Variants in NRXN3 observed in about 807,000 individuals in gnomAD.
The protein encoded by NRXN3 is neurexin III.
Under a neutral mutation model 137.6 loss-of-function variants are expected in NRXN3, and 32 were observed. The observed-to-expected ratio is 0.23, with a 90% CI of 0.18 to 0.31. NRXN3 has a LOEUF of 0.31. Among genes scored for constraint, NRXN3 ranks in the 10% least tolerant of loss-of-function variants. NRXN3 has a pLI of 1.00. For missense variants in NRXN3, 1,574 were observed against 2,062.5 expected, an observed-to-expected ratio of 0.76 and a Z score of 4.59; for synonymous variants, 798 against 784.5, an observed-to-expected ratio of 1.02 and a Z score of -0.29.
At chr14:79,470,873 T>A (rs8020365) in intron 16 of NRXN3, among the ~76,000 whole-genome samples, 37,290 of 148,768 alleles carry the variant, frequency 0.25, 5,313 homozygotes, top group African/African-American at 0.38. Context: ...TGTGTGTGTG[T>A]GAGAGAGAGA....
intron 15 of NRXN3, among the ~76,000 whole-genome samples, chr14:79,131,887 G>GT (rs1189734531): frequency 6.9e-6 from 1 of 144,862 alleles, no homozygotes; most frequent in African/African-American, 2.6e-5. Flanking sequence ...CTGGTGTGCC[G>GT]TTTTTTAAGC....
At chr14:79,383,163 G>A (rs899817930) in intron 15 of NRXN3, among the ~76,000 whole-genome samples, 2 of 152,104 alleles carry the variant, frequency 1.3e-5, no homozygotes, top group Admixed American at 6.6e-5. Context: ...TTGAATTTCA[G>A]TGGACTAGGC....
chr14:79,585,362 C>A (rs901067213), intron 16 of NRXN3, among the ~76,000 whole-genome samples: 2 of 152,026 alleles, frequency 1.3e-5, no homozygotes, highest in Non-Finnish European at 2.9e-5. Flanking sequence ...AGAGGCATAG[C>A]CTGAGAAGAT....
chr14:79,464,500 T>C (rs1314040489), intron 15 of NRXN3, among the ~76,000 whole-genome samples: 2 of 152,176 alleles, frequency 1.3e-5, no homozygotes, highest in Non-Finnish European at 2.9e-5. Context: ...TCCTTTGTAT[T>C]GGAGCACTGA....
intron 19 of NRXN3, among the ~76,000 whole-genome samples, chr14:79,773,309 C>G (rs1398377384): frequency 6.6e-6 from 1 of 152,096 alleles, no homozygotes; most frequent in African/African-American, 2.4e-5. Flanking sequence ...AATCATGCTG[C>G]TATAAAGACA....
chr14:79,618,137 C>T (rs1399042615), intron 16 of NRXN3, among the ~76,000 whole-genome samples: 2 of 151,846 alleles, frequency 1.3e-5, no homozygotes, highest in Non-Finnish European at 2.9e-5. Context: ...TTCCTGTTTA[C>T]CAGAAATATT....
chr14:78,605,814 A>G (rs1391707058), intron 4 of NRXN3, among the ~76,000 whole-genome samples: 1 of 152,208 alleles, frequency 6.6e-6, no homozygotes, highest in African/African-American at 2.4e-5. Flanking sequence ...TTGGTGTACA[A>G]AGCTGCTACA....
At chr14:78,963,933 TA>T (rs1282415935) in intron 11 of NRXN3, among the ~76,000 whole-genome samples, 3 of 148,754 alleles carry the variant, frequency 2.0e-5, no homozygotes, top group Admixed American at 6.6e-5. Flanking sequence ...GCCTGGCTAA[TA>T]TTTTTTTTTT....
chr14:79,861,970 C>A lies in NRXN3; in HGVS notation c.*6C>A, dbSNP rs2141967113. 4 of 1,602,600 alleles carry A rather than the reference C, an allele frequency of 2.5e-6. No individual in the cohort carries two copies. Among genetic ancestry groups the A allele is most frequent in the Admixed American group, 1.7e-5 (1 of 59,184 alleles). On this transcript the variant is annotated 3_prime_UTR_variant, in exon 21 of 21. Coordinates refer to ENST00000335750, the MANE Select transcript of NRXN3 (RefSeq NM_001330195.2). The surrounding 1 kb of genome is among the most constrained non-coding windows in gnomAD (Gnocchi z 5.4). ...ACAGGGAGTATTACGTGTAAACATG[C>A]GAACACTGCTCACACGCGAGTTTTC...
chr14:78,923,793 G>C (rs575337613), intron 10 of NRXN3, among the ~76,000 whole-genome samples: 1 of 152,226 alleles, frequency 6.6e-6, no homozygotes, highest in Non-Finnish European at 1.5e-5. Context: ...GCCTTGGGAA[G>C]AAGGTACTGT....
chr14:78,683,761 A>G (rs1011223322), intron 6 of NRXN3, among the ~76,000 whole-genome samples: 7 of 152,208 alleles, frequency 4.6e-5, no homozygotes, highest in Non-Finnish European at 1.5e-5. Flanking sequence ...TGGAGTGACA[A>G]ACTTTTGTCA....
chr14:79,379,145 T>G (rs756788799), intron 15 of NRXN3, among the ~76,000 whole-genome samples: 1 of 152,116 alleles, frequency 6.6e-6, no homozygotes, highest in East Asian at 1.9e-4. Context: ...AATTTTTTTG[T>G]TTTTTGTTTT....
intron 20 of NRXN3, among the ~76,000 whole-genome samples, chr14:79,848,937 A>C (rs902865831): frequency 2.6e-5 from 4 of 152,298 alleles, no homozygotes; most frequent in African/African-American, 9.6e-5. Flanking sequence ...CTAAAACAGA[A>C]CTTTGGATTC....
chr14:79,612,583 T>A (rs554885087), intron 16 of NRXN3, among the ~76,000 whole-genome samples: 1 of 152,192 alleles, frequency 6.6e-6, no homozygotes, highest in African/African-American at 2.4e-5. Context: ...CCACCATGGC[T>A]CAAGCCTGTA....
chr14:78,605,992 A>C (rs1428658882), intron 4 of NRXN3, among the ~76,000 whole-genome samples: 1 of 152,146 alleles, frequency 6.6e-6, no homozygotes, highest in Admixed American at 6.5e-5. Flanking sequence ...AAAATGTGTG[A>C]AGAAGGATAG....
intron 15 of NRXN3, among the ~76,000 whole-genome samples, chr14:79,157,865 G>T (rs544750522): frequency 6.6e-6 from 1 of 151,874 alleles, no homozygotes; most frequent in Admixed American, 6.6e-5. Flanking sequence ...CATTTTATAA[G>T]GGAAAGATAT....
chr14:79,522,356 G>A (rs1473120956), intron 16 of NRXN3, among the ~76,000 whole-genome samples: 1 of 152,082 alleles, frequency 6.6e-6, no homozygotes. Context: ...GTGCACAGGG[G>A]TATATGAGCT....
intron 16 of NRXN3, among the ~76,000 whole-genome samples, chr14:79,589,579 TAAGG>T (rs1399661728): frequency 4.1e-5 from 4 of 97,288 alleles, no homozygotes; most frequent in African/African-American, 1.7e-4. Context: ...AGGAATCAAA[TAAGG>T]AAGAGATAGA....
chr14:78,840,326 A>G (rs1001631091), intron 10 of NRXN3, among the ~76,000 whole-genome samples: 1 of 152,238 alleles, frequency 6.6e-6, no homozygotes, highest in East Asian at 1.9e-4. Flanking sequence ...ATTTCAATCT[A>G]TCAGGCAGCC....
Sources: gnomAD v4.1 joint callset for allele counts (sites outside exome capture counted in the v4.1 genomes callset) on GRCh38, gnomAD v4.1.1 for gene constraint, Gnocchi (gnomAD v3.1) non-coding constraint, MANE v1.5 for transcripts, NCBI Gene and HGNC (gene_info 2026-07-23, HGNC 2026-07-21) for gene names.